UBASH3A: variants seen among roughly 807,000 people sequenced by gnomAD.
The protein encoded by UBASH3A is ubiquitin-associated and SH3 domain-containing protein A.
A neutral mutation model predicts 73.5 loss-of-function variants in UBASH3A; 63 were observed. The observed-to-expected ratio is 0.86, with a 90% CI of 0.70 to 1.06. The LOEUF (loss-of-function observed/expected upper bound fraction) is 1.06. UBASH3A is among the 50% of genes least tolerant of loss of function. The pLI, the probability that UBASH3A is intolerant of heterozygous loss-of-function variation, is 0.00. For synonymous variants in UBASH3A, 363 were observed against 351.1 expected (o/e 1.03, Z -0.38); for missense variants, 860 against 859.0 (o/e 1.00, Z -0.02).
At chr21:42,415,956 A>C (rs2146516920) in intron 5 of UBASH3A, among the ~76,000 whole-genome samples, 1 of 152,316 alleles carries the variant, frequency 6.6e-6, no homozygotes. Flanking sequence ...GAGGACACCC[A>C]AAAAGACCTG....
chr21:42,424,585 C>T (rs75456723), intron 7 of UBASH3A, among the ~76,000 whole-genome samples: 359 of 152,198 alleles, frequency 2.4e-3, no homozygotes, highest in African/African-American at 8.3e-3. Context: ...TGTGAGGGCT[C>T]GGGAGAATAA....
intron 10 of UBASH3A, among the ~76,000 whole-genome samples, chr21:42,437,162 T>G (rs1050398508): frequency 7.2e-5 from 11 of 152,280 alleles, no homozygotes; most frequent in Non-Finnish European, 1.6e-4. Flanking sequence ...GAGAATGTTT[T>G]GCTGAATCCT....
In UBASH3A at chr21:42,405,991, G is replaced by C. The variant is rs542877299; in HGVS notation, c.114-317G>C. 2.0e-4 allele frequency among the ~76,000 whole-genome samples: 30 copies of C among 149,034 alleles called. 1 individual carries two copies. Among genetic ancestry groups the C allele is most frequent in the Admixed American group, 1.3e-3 (19 of 15,132 alleles). On this transcript the variant is annotated intron_variant, in intron 1 of 14. Transcript: ENST00000319294. ...CCATTTGATCTAGGCAGTGGGGGGG[G>C]GGGGGGCAGGCCAGGGAGAGGGATT...
intron 2 of UBASH3A, among the ~76,000 whole-genome samples, chr21:42,406,593 T>A (rs2052982290): frequency 6.6e-6 from 1 of 152,216 alleles, no homozygotes; most frequent in Non-Finnish European, 1.5e-5. Context: ...GAACAAGGCT[T>A]TCTTCACTTA....
At chr21:42,404,820 C>A (rs1387163789) in intron 1 of UBASH3A, among the ~76,000 whole-genome samples, 1 of 152,136 alleles carries the variant, frequency 6.6e-6, no homozygotes, top group East Asian at 1.9e-4. Flanking sequence ...GTGAGCGCGA[C>A]CCTGCTTACC....
At chr21:42,425,612 A>C (rs1290383203) in intron 7 of UBASH3A, among the ~76,000 whole-genome samples, 1 of 152,230 alleles carries the variant, frequency 6.6e-6, no homozygotes, top group Non-Finnish European at 1.5e-5. Flanking sequence ...GCTTGAGAAG[A>C]TGCAAAGTAA....
Position 42,432,141 on chromosome 21 carries a change from C to T in UBASH3A, c.1209C>T (p.His403=), listed in dbSNP as rs142759802. 4.7e-5 allele frequency: 76 copies of T among 1,613,558 alleles called. No homozygotes were observed. In the South Asian group the frequency reaches 5.7e-4, roughly 12 times the overall value. ...VARKSVLVVR[H]GERVDQIFGK... Reference sequence around the variant, plus strand: ...GGAAGAGCGTGCTGGTGGTTCGCCACGGGGAGAGAGTGGATCAGATCTTCG... The same window carrying T: ...GGAAGAGCGTGCTGGTGGTTCGCCATGGGGAGAGAGTGGATCAGATCTTCG... Residue 403 remains histidine, a synonymous_variant, in exon 9 of 15, where the codon CAC becomes CAT. Coordinates refer to ENST00000319294, the MANE Select transcript of UBASH3A (RefSeq NM_018961.4).
chr21:42,410,248 AG>A lies in UBASH3A; in HGVS notation c.354+642del, dbSNP rs1172807344. ...TGTGGGAGCTGCTCAGGAGAAAAGA[AG>A]GAGAAGGGAGAGACAGACAGCCACT... On this transcript the variant is annotated intron_variant, in intron 3 of 14. Coordinates refer to ENST00000319294, the MANE Select transcript of UBASH3A (RefSeq NM_018961.4). The A allele has an allele frequency of 4.4e-6, 3 of 688,138 alleles. No homozygotes were observed. The Admixed American group carries it at 6.2e-5, about 14-fold the overall frequency. The allele number at this position is 688,138 out of a possible 1,614,324, so 42.6% of individuals were successfully genotyped here.
chr21:42,424,164 TG>T (rs773239767), intron 7 of UBASH3A, among the ~76,000 whole-genome samples: 13 of 151,950 alleles, frequency 8.6e-5, no homozygotes, highest in Non-Finnish European at 1.5e-4. Flanking sequence ...CTACGAGCCC[TG>T]GTCAGGACTC....
At chr21:42,422,641 A>T (rs1222102318) in intron 7 of UBASH3A, among the ~76,000 whole-genome samples, 1 of 152,268 alleles carries the variant, frequency 6.6e-6, no homozygotes, top group African/African-American at 2.4e-5. Flanking sequence ...ATTATGACAC[A>T]TCCATACAAT....
At position 42,426,687 on chromosome 21, in the gene UBASH3A, T is replaced by TACA; in HGVS notation, c.1047-10_1047-9insACA. 1 of 1,612,962 alleles carries TACA rather than the reference T, an allele frequency of 6.2e-7. No individual in the cohort carries two copies. Among genetic ancestry groups the TACA allele is most frequent in the Middle Eastern group, 1.7e-4 (1 of 6,054 alleles). Reference sequence around the variant, plus strand: ...ACTTCTGTTCAAGCCGTGCTTTCCTTCCCCTGCAGGATGTACACCTTCAGT... The same window carrying TACA: ...ACTTCTGTTCAAGCCGTGCTTTCCTTACACCCCTGCAGGATGTACACCTTCAGT... On this transcript the variant is annotated splice_polypyrimidine_tract_variant and intron_variant, in intron 7 of 14. Coordinates refer to ENST00000319294, the MANE Select transcript of UBASH3A (RefSeq NM_018961.4).
intron 8 of UBASH3A, among the ~76,000 whole-genome samples, chr21:42,429,744 C>A (rs1359205779): frequency 6.6e-6 from 1 of 152,108 alleles, no homozygotes; most frequent in Non-Finnish European, 1.5e-5. Context: ...ACAAACCTTC[C>A]CCTGAAGCTG....
rs796939696 is a variant in UBASH3A, at chr21:42,417,878, C to CTTTTTTTTT, written c.838-509_838-501dup. Among the ~76,000 whole-genome samples the CTTTTTTTTT allele has an allele frequency of 3.3e-3, 299 of 90,618 alleles. 1 individual carries two copies. The highest frequency in any genetic ancestry group is 8.7e-3 in the East Asian group (26 of 2,982). The allele number at this position is 90,618 out of a possible 152,430, so 59.4% of individuals were successfully genotyped here. A position where few individuals can be genotyped will look rare whatever the true frequency, so the allele number is the denominator to read the frequency against. Reference sequence around the variant, plus strand: ...GTATCTCTTTTTTTTTTCTTTTTTTCTTTTTTTTTTTTTTTTTTTTTTGAG... The same window carrying CTTTTTTTTT: ...GTATCTCTTTTTTTTTTCTTTTTTTCTTTTTTTTTTTTTTTTTTTTTTTTTTTTTTTGAG... On this transcript the variant is annotated intron_variant, in intron 6 of 14. Transcript: ENST00000319294.
chr21:42,446,565 C>T (rs2053847263), intron 14 of UBASH3A, among the ~76,000 whole-genome samples: 1 of 152,258 alleles, frequency 6.6e-6, no homozygotes, highest in Non-Finnish European at 1.5e-5. Flanking sequence ...CCACAAAGCT[C>T]TGTTCTCACA....
intron 3 of UBASH3A, among the ~76,000 whole-genome samples, chr21:42,411,431 T>G (rs1160987273): frequency 6.7e-6 from 1 of 149,124 alleles, no homozygotes; most frequent in Non-Finnish European, 1.5e-5. Flanking sequence ...CATAGACAAA[T>G]GCACACATAC....
At chr21:42,447,007 T>C in intron 14 of UBASH3A, 50 bp from the exon 15 acceptor site, 1 of 1,580,558 alleles carries the variant, frequency 6.3e-7, no homozygotes, top group Non-Finnish European at 8.6e-7. Flanking sequence ...AGTCTGAAAT[T>C]GATGGACTTG....
chr21:42,406,427 C>T (rs1359435884), intron 2 of UBASH3A, 66 bp downstream of exon 2: 3 of 1,371,448 alleles, frequency 2.2e-6, no homozygotes, highest in Non-Finnish European at 3.1e-6. Context: ...TAAGGACTCC[C>T]TCCCACCAGG....
At chr21:42,445,902 G>A (rs895858255) in intron 14 of UBASH3A, among the ~76,000 whole-genome samples, 11 of 152,070 alleles carry the variant, frequency 7.2e-5, no homozygotes, top group African/African-American at 2.4e-4. Context: ...GGGACTGTCC[G>A]GGGCAGCCCC....
At chr21:42,444,476 C>T in intron 13 of UBASH3A, 58 bp from the exon 14 acceptor site, 1 of 1,331,834 alleles carries the variant, frequency 7.5e-7, no homozygotes, top group Non-Finnish European at 1.1e-6. Flanking sequence ...GGACCCCAGT[C>T]TAATAAAAGG....
Sources: gnomAD v4.1 joint callset for allele counts (sites outside exome capture counted in the v4.1 genomes callset) on GRCh38, gnomAD v4.1.1 for gene constraint, MANE v1.5 for transcripts, NCBI Gene and HGNC (gene_info 2026-07-23, HGNC 2026-07-21) for gene names.